GLIS3: variants seen among roughly 807,000 people sequenced by gnomAD.
The protein encoded by GLIS3 is GLIS family zinc finger 3.
In GLIS3, 53 loss-of-function variants were observed where a neutral mutation model predicts 78.6. The observed-to-expected ratio is 0.67, with a 90% CI of 0.54 to 0.85. The LOEUF (loss-of-function observed/expected upper bound fraction) is 0.85, where lower values mean the gene tolerates loss of function less well. GLIS3 is among the 40% of genes least tolerant of loss of function. The pLI, the probability that GLIS3 is intolerant of heterozygous loss-of-function variation, is 0.00. For missense variants in GLIS3, 1,703 were observed against 1,231.1 expected (o/e 1.38, Z -5.74); for synonymous variants, 684 against 509.9 (o/e 1.34, Z -4.60).
intron 2 of GLIS3, among the ~76,000 whole-genome samples, chr9:4,203,097 G>C (rs1295556135): frequency 1.3e-5 from 2 of 152,152 alleles, no homozygotes; most frequent in Admixed American, 1.3e-4. Context: ...CTAATATCCA[G>C]AATCTACAAA....
chr9:4,328,231 G>C (rs1395875867), intron 2 of GLIS3, among the ~76,000 whole-genome samples: 1 of 152,186 alleles, frequency 6.6e-6, no homozygotes, highest in Non-Finnish European at 1.5e-5. Flanking sequence ...GCAGGAACAA[G>C]AGAACCATCT....
At chr9:4,385,343 C>A in the GLIS3 span, among the ~76,000 whole-genome samples, 3 of 152,208 alleles carry the variant, frequency 2.0e-5, no homozygotes, top group Non-Finnish European at 4.4e-5. Context: ...ACTCCATGAA[C>A]CTCAGACTTA....
At chr9:4,147,435 T>C (rs942094988) in intron 2 of GLIS3, 3 of 152,184 alleles carry the variant, frequency 2.0e-5, no homozygotes, top group African/African-American at 7.2e-5. Context: ...GGCTTCCATA[T>C]GCAGTGTCTG....
intron 8 of GLIS3, among the ~76,000 whole-genome samples, chr9:3,871,814 G>C (rs1346062254): frequency 1.3e-5 from 2 of 152,164 alleles, no homozygotes; most frequent in African/African-American, 2.4e-5. Flanking sequence ...CATTGTCTTG[G>C]GAATTAACAT....
the GLIS3 span, among the ~76,000 whole-genome samples, chr9:4,440,455 G>C: frequency 6.6e-6 from 1 of 152,166 alleles, no homozygotes; most frequent in Admixed American, 6.5e-5. Flanking sequence ...CCCAAAATGT[G>C]TTCGTAGCAC....
chr9:4,201,808 T>C (rs914185994), intron 2 of GLIS3, among the ~76,000 whole-genome samples: 1 of 152,174 alleles, frequency 6.6e-6, no homozygotes, highest in Non-Finnish European at 1.5e-5. Flanking sequence ...AGCTAATAAC[T>C]TCATTTTTCA....
chr9:4,157,992 T>C (rs529777738), intron 2 of GLIS3, among the ~76,000 whole-genome samples: 3 of 152,244 alleles, frequency 2.0e-5, no homozygotes, highest in Non-Finnish European at 2.9e-5. Flanking sequence ...ATTGCAAGCA[T>C]GCCTGTCAGG....
At chr9:4,052,438 C>A (rs1825809524) in intron 4 of GLIS3, among the ~76,000 whole-genome samples, 1 of 152,138 alleles carries the variant, frequency 6.6e-6, no homozygotes, top group Non-Finnish European at 1.5e-5. Flanking sequence ...AGTTCCAGAA[C>A]ATTTTCATTA....
At chr9:3,870,575 A>C (rs992743978) in intron 8 of GLIS3, among the ~76,000 whole-genome samples, 1 of 152,234 alleles carries the variant, frequency 6.6e-6, no homozygotes, top group Non-Finnish European at 1.5e-5. Flanking sequence ...CCCATCTTAC[A>C]TGGATGGCAG....
intron 4 of GLIS3, among the ~76,000 whole-genome samples, chr9:3,957,719 T>A (rs574698453): frequency 6.6e-6 from 1 of 152,330 alleles, no homozygotes; most frequent in South Asian, 2.1e-4. Context: ...GAGGTTTCTT[T>A]CATTGTCATT....
chr9:3,847,191 ATAAAAT>A (rs1819104473), intron 9 of GLIS3, among the ~76,000 whole-genome samples: 1 of 146,972 alleles, frequency 6.8e-6, no homozygotes, highest in South Asian at 2.2e-4. Flanking sequence ...TTCAGAAAAA[ATAAAAT>A]TAAATAAATA....
At chr9:4,015,594 T>C (rs140330205) in intron 4 of GLIS3, among the ~76,000 whole-genome samples, 1 of 152,208 alleles carries the variant, frequency 6.6e-6, no homozygotes, top group East Asian at 1.9e-4. Flanking sequence ...ACAACAATAA[T>C]AGGGATTTTC....
the GLIS3 span, among the ~76,000 whole-genome samples, chr9:4,395,965 G>C: frequency 1.3e-5 from 2 of 151,002 alleles, no homozygotes; most frequent in Non-Finnish European, 3.0e-5. Context: ...GTAGAGACAG[G>C]GTTTCACCAT....
At chr9:4,238,228 G>C (rs905735835) in intron 2 of GLIS3, among the ~76,000 whole-genome samples, 18 of 152,158 alleles carry the variant, frequency 1.2e-4, no homozygotes, top group African/African-American at 3.9e-4. Context: ...GTGGCTAAAA[G>C]GAAGGCCAAA....
chr9:4,179,913 A>T (rs1817153174), intron 2 of GLIS3, among the ~76,000 whole-genome samples: 1 of 151,804 alleles, frequency 6.6e-6, no homozygotes, highest in Non-Finnish European at 1.5e-5. Context: ...CTGTCTCAAA[A>T]AAAAAAAAAT....
intron 6 of GLIS3, among the ~76,000 whole-genome samples, chr9:3,903,673 C>T (rs1823471226): frequency 6.6e-6 from 1 of 152,138 alleles, no homozygotes; most frequent in South Asian, 2.1e-4. Flanking sequence ...ACAAAGACTC[C>T]TTCAGAGAAG....
chr9:4,155,428 T>C (rs1399977965), intron 2 of GLIS3, among the ~76,000 whole-genome samples: 1 of 152,254 alleles, frequency 6.6e-6, no homozygotes. Flanking sequence ...CGTAGATTCT[T>C]AGGCAGTTGT....
At chr9:4,324,813 A>C (rs1817578808) in intron 2 of GLIS3, among the ~76,000 whole-genome samples, 1 of 152,192 alleles carries the variant, frequency 6.6e-6, no homozygotes, top group African/African-American at 2.4e-5. Flanking sequence ...ACTTGTTTCA[A>C]GTTTCCAAAA....
At chr9:3,891,253 C>G (rs969287433) in intron 7 of GLIS3, among the ~76,000 whole-genome samples, 3 of 152,104 alleles carry the variant, frequency 2.0e-5, no homozygotes, top group Non-Finnish European at 2.9e-5. Flanking sequence ...GTTTAAAGAA[C>G]TCTTTATGTC....
Sources: allele counts gnomAD v4.1 joint callset (sites outside exome capture counted in the v4.1 genomes callset), GRCh38; gene constraint gnomAD v4.1.1; transcripts MANE v1.5; gene names NCBI Gene and HGNC (gene_info 2026-07-23, HGNC 2026-07-21).